Variants in ZNF423 observed in about 807,000 individuals in gnomAD.
The protein encoded by ZNF423 is Ebf-associated zinc finger protein.
A neutral mutation model predicts 95.8 loss-of-function variants in ZNF423; 12 were observed. The ratio of observed to expected loss-of-function variants is 0.13; its 90% CI spans 0.08 to 0.20. The LOEUF is 0.20. ZNF423 is among the 10% of genes least tolerant of loss of function. The pLI, the probability that ZNF423 is intolerant of heterozygous loss-of-function variation, is 1.00. For missense variants in ZNF423, 1,316 were observed against 1,737.1 expected, an observed-to-expected ratio of 0.76 and a Z score of 4.31; for synonymous variants, 749 against 711.9, an observed-to-expected ratio of 1.05 and a Z score of -0.83.
chr16:49,801,665 CA>C (rs1306661621), intron 1 of ZNF423, among the ~76,000 whole-genome samples: 1 of 152,208 alleles, frequency 6.6e-6, no homozygotes, highest in East Asian at 1.9e-4. Flanking sequence ...CCTACAAAAT[CA>C]GAATATCTGA....
chr16:49,539,010 T>C (rs545351077), intron 5 of ZNF423, among the ~76,000 whole-genome samples: 5 of 152,314 alleles, frequency 3.3e-5, no homozygotes, highest in Admixed American at 3.3e-4. Flanking sequence ...GCTCAATAAA[T>C]GCTAATAGTT....
At chr16:49,647,840 C>G (rs1973237137) in intron 3 of ZNF423, among the ~76,000 whole-genome samples, 2 of 152,200 alleles carry the variant, frequency 1.3e-5, no homozygotes, top group South Asian at 4.1e-4. Flanking sequence ...TAATTTGTTA[C>G]AGCAGTAATA....
At chr16:49,550,309 C>T (rs184072496) in intron 5 of ZNF423, among the ~76,000 whole-genome samples, 118 of 152,382 alleles carry the variant, frequency 7.7e-4, no homozygotes, top group African/African-American at 2.7e-3. Context: ...CATTACCCTT[C>T]CCTTTTCCCT....
At chr16:49,515,906 C>A (rs1248250311) in intron 7 of ZNF423, among the ~76,000 whole-genome samples, 1 of 152,176 alleles carries the variant, frequency 6.6e-6, no homozygotes, top group African/African-American at 2.4e-5. Flanking sequence ...CCCCTCCCCT[C>A]AGGGTGGCTA....
intron 2 of ZNF423, among the ~76,000 whole-genome samples, chr16:49,740,886 A>G (rs540449077): frequency 3.3e-5 from 5 of 152,334 alleles, no homozygotes; most frequent in African/African-American, 1.2e-4. Context: ...TGTGATGGCA[A>G]TCGCCTCCTT....
chr16:49,545,295 AG>A (rs1380752719), intron 5 of ZNF423, among the ~76,000 whole-genome samples: 1 of 152,226 alleles, frequency 6.6e-6, no homozygotes, highest in Non-Finnish European at 1.5e-5. Flanking sequence ...AGTGAATCTC[AG>A]GGCCCTGACT....
chr16:49,601,143 A>C (rs1294545016), intron 5 of ZNF423, among the ~76,000 whole-genome samples: 5 of 152,174 alleles, frequency 3.3e-5, no homozygotes, highest in African/African-American at 1.2e-4. Flanking sequence ...ACGGACTAAA[A>C]GGGTCTCCTA....
chr16:49,696,761 G>GC lies in ZNF423; in HGVS notation c.301+34009dup, dbSNP rs368022500. Among the ~76,000 whole-genome samples, 37 of 151,592 alleles carry GC rather than the reference G, an allele frequency of 2.4e-4. 1 individual carries two copies. Among genetic ancestry groups the GC allele is most frequent in the South Asian group, 8.4e-4 (4 of 4,788 alleles). On this transcript the variant is annotated intron_variant, in intron 3 of 7. Transcript: ENST00000563137. ...TCATTAAGTGCCTGACCTCAGGCAA[G>GC]CCCCCCCCACCCAGGGTGGAAGGTT...
At chr16:49,606,787 T>C (rs1342243745) in intron 5 of ZNF423, among the ~76,000 whole-genome samples, 3 of 152,174 alleles carry the variant, frequency 2.0e-5, no homozygotes, top group African/African-American at 7.2e-5. Context: ...TTTTCACTTA[T>C]ATGTTCCTTT....
intron 5 of ZNF423, among the ~76,000 whole-genome samples, chr16:49,619,880 G>A (rs551709121): frequency 6.6e-6 from 1 of 152,080 alleles, no homozygotes; most frequent in Admixed American, 6.5e-5. Flanking sequence ...TGGGTTTTTT[G>A]TATCTCCCTG....
In ZNF423 at chr16:49,524,277, T is replaced by C. The variant is rs564206603; in HGVS notation, c.3734-538A>G. ...CAAGTGGCAGAGCCTAGACTTGAAT[T>C]AAATAAGCTCAGCACAGGGTCTTGT... On this transcript the variant is annotated intron_variant, in intron 6 of 7. Coordinates refer to ENST00000563137, the MANE Select transcript of ZNF423 (RefSeq NM_001379286.1). 2.0e-5 allele frequency among the ~76,000 whole-genome samples: 3 copies of C among 152,274 alleles called. No homozygotes were observed. In the South Asian group the frequency reaches 6.2e-4, roughly 32 times the overall value.
intron 3 of ZNF423, among the ~76,000 whole-genome samples, chr16:49,678,098 G>C (rs1291693650): frequency 6.6e-6 from 1 of 152,108 alleles, no homozygotes; most frequent in Non-Finnish European, 1.5e-5. Flanking sequence ...CAGGATAATT[G>C]CTTGAGCTTG....
At chr16:49,823,462 G>A (rs761359630) in intron 1 of ZNF423, among the ~76,000 whole-genome samples, 7 of 152,230 alleles carry the variant, frequency 4.6e-5, no homozygotes, top group East Asian at 3.8e-4. Flanking sequence ...GAAGTTGCTC[G>A]AGGGTGCACA....
chr16:49,605,521 G>T (rs1971510114), intron 5 of ZNF423, among the ~76,000 whole-genome samples: 1 of 152,136 alleles, frequency 6.6e-6, no homozygotes, highest in South Asian at 2.1e-4. Context: ...CTCCAACTCA[G>T]CCTTCTAAAA....
intron 3 of ZNF423, among the ~76,000 whole-genome samples, chr16:49,701,938 G>C (rs2032195862): frequency 6.6e-6 from 1 of 152,126 alleles, no homozygotes; most frequent in African/African-American, 2.4e-5. Context: ...GTAATTTCCA[G>C]TTCCTCAGAA....
At chr16:49,720,949 A>G (rs908990451) in intron 3 of ZNF423, among the ~76,000 whole-genome samples, 8 of 152,186 alleles carry the variant, frequency 5.3e-5, no homozygotes, top group African/African-American at 1.7e-4. Context: ...TGGCCATTCT[A>G]CAGAGTCAAC....
chr16:49,502,800 C>T (rs1425416142), intron 7 of ZNF423, among the ~76,000 whole-genome samples: 3 of 110,676 alleles, frequency 2.7e-5, no homozygotes, highest in Non-Finnish European at 5.4e-5. Flanking sequence ...GACACACACA[C>T]ACACACACAC....
chr16:49,643,077 T>C (rs1973037304), intron 3 of ZNF423, among the ~76,000 whole-genome samples: 1 of 152,064 alleles, frequency 6.6e-6, no homozygotes, highest in Admixed American at 6.5e-5. Flanking sequence ...CGCCTCAGCC[T>C]CCCAAAGTGC....
intron 3 of ZNF423, among the ~76,000 whole-genome samples, chr16:49,722,835 C>A (rs2032904687): frequency 6.6e-6 from 1 of 152,144 alleles, no homozygotes; most frequent in South Asian, 2.1e-4. Context: ...TCATGGAACA[C>A]AACCTGACCA....
Sources: gnomAD v4.1 joint callset for allele counts (sites outside exome capture counted in the v4.1 genomes callset) on GRCh38, gnomAD v4.1.1 for gene constraint, MANE v1.5 for transcripts, NCBI Gene and HGNC (gene_info 2026-07-23, HGNC 2026-07-21) for gene names.